Variants in SGSM3 observed in about 807,000 individuals in gnomAD.
The protein encoded by SGSM3 is small G protein signaling modulator 3.
SGSM3 carries 96 observed loss-of-function variants against 100.5 expected under a neutral mutation model. That is an observed-to-expected ratio of 0.96 (90% CI 0.81 to 1.13). SGSM3 has a LOEUF of 1.13. Ranked by LOEUF, SGSM3 falls within the 50% of genes most tolerant of loss-of-function variation. The pLI is 0.00. For synonymous variants in SGSM3, 483 were observed against 422.8 expected (o/e 1.14, Z -1.75); for missense variants, 1,001 against 1,015.8 (o/e 0.99, Z 0.20).
At chr22:40,373,668 T>G (rs1295416778) in intron 1 of SGSM3, 1 of 152,260 alleles carries the variant, frequency 6.6e-6, no homozygotes, top group East Asian at 1.9e-4. Flanking sequence ...CAGGCTAGAG[T>G]GCAGTGGGGC....
intron 1 of SGSM3, among the ~76,000 whole-genome samples, chr22:40,374,736 C>CA (rs925803916): frequency 2.0e-5 from 3 of 152,210 alleles, no homozygotes; most frequent in African/African-American, 7.2e-5. Flanking sequence ...ATAAAATTGC[C>CA]AGTCATGGTG....
intron 1 of SGSM3, among the ~76,000 whole-genome samples, chr22:40,382,679 A>T (rs549080179): frequency 6.4e-4 from 97 of 152,362 alleles, no homozygotes; most frequent in Non-Finnish European, 1.2e-3. Flanking sequence ...GATGGGACGT[A>T]GACCCCACCA....
In SGSM3 at chr22:40,408,414, G is replaced by A; in HGVS notation, c.1767G>A (p.Trp589Ter). The stretch of plus-strand genomic sequence containing the variant: ...TGCTTGGGGGCGCCTGCCACCCCTG[G>A]CTGTTTATCGAGGAGGTAAGTCAGT... Reference protein sequence around the residue: ...PSLLGGACHPWLFIEEAAGRE... With the variant: ...PSLLGGACHP The change falls in exon 16 of 22, where the codon TGG becomes TGA. Residue 589 changes from tryptophan (W) to a stop codon, truncating the protein, a stop_gained. Coordinates refer to ENST00000248929, the MANE Select transcript of SGSM3 (RefSeq NM_015705.6). LOFTEE classifies it high-confidence loss of function. 1 of 1,613,504 alleles carries A rather than the reference G, an allele frequency of 6.2e-7. No individual in the cohort carries two copies. The highest frequency in any genetic ancestry group is 8.5e-7 in the Non-Finnish European group (1 of 1,179,990).
chr22:40,408,066 C>T lies in SGSM3; in HGVS notation c.1580-5C>T. 3.1e-6 allele frequency: 5 copies of T among 1,613,396 alleles called. No individual in the cohort carries two copies. In the South Asian group the frequency reaches 3.3e-5, roughly 11 times the overall value. On this transcript the variant is annotated splice_region_variant and splice_polypyrimidine_tract_variant and intron_variant, in intron 14 of 21. Coordinates refer to ENST00000248929, the MANE Select transcript of SGSM3 (RefSeq NM_015705.6). ...TGCTCCTTACAGGGCCTGTTTTTCC[C>T]ACAGGCTGGTTTCCAGCCAAGTTCG...
intron 1 of SGSM3, among the ~76,000 whole-genome samples, chr22:40,394,730 G>A (rs1466793230): frequency 6.6e-6 from 1 of 150,628 alleles, no homozygotes; most frequent in Non-Finnish European, 1.5e-5. Flanking sequence ...CTTTTCCAAC[G>A]TTATCTGCTA....
chr22:40,395,325 CTT>C (rs777306889), intron 1 of SGSM3, among the ~76,000 whole-genome samples: 16 of 141,172 alleles, frequency 1.1e-4, no homozygotes, highest in Non-Finnish European at 1.2e-4. Flanking sequence ...CCCCATAACT[CTT>C]TTTTTTTTTT....
chr22:40,391,279 C>T (rs138320355), intron 1 of SGSM3, among the ~76,000 whole-genome samples: 97 of 152,194 alleles, frequency 6.4e-4, no homozygotes, highest in African/African-American at 2.1e-3. Context: ...TTTTAGGAAG[C>T]CCTCCAGGTG....
In SGSM3 at chr22:40,409,781, C is replaced by T. The variant is rs763198266; in HGVS notation, c.*22C>T. 2.5e-6 allele frequency: 4 copies of T among 1,599,970 alleles called. No individual in the cohort carries two copies. Among genetic ancestry groups the T allele is most frequent in the African/African-American group, 2.7e-5 (2 of 74,926 alleles). On this transcript the variant is annotated 3_prime_UTR_variant, in exon 22 of 22. Transcript: ENST00000248929. ...GTGACCCCCTCCTCCCCAGCCCAAC[C>T]TCGGGCCTGCGTCTGAGGTGGCCCA... is the stretch of plus-strand genomic sequence containing the variant.
Position 40,407,636 on chromosome 22 carries a change from C to A in SGSM3, c.1524+68C>A. On this transcript the variant is annotated intron_variant, in intron 13 of 21. Coordinates refer to ENST00000248929, the MANE Select transcript of SGSM3 (RefSeq NM_015705.6). This position sits in a 1 kb window ranked among gnomAD's most constrained non-coding sequence, Gnocchi z 4.7. Reference sequence around the variant, plus strand: ...GGTTCCCCAGACTCCCTCCACCAAGCCCCACCCCAACCCCTTTCCCTGCCA... The same window carrying A: ...GGTTCCCCAGACTCCCTCCACCAAGACCCACCCCAACCCCTTTCCCTGCCA... 1.3e-6 allele frequency: 2 copies of A among 1,578,490 alleles called. No homozygotes were observed. The highest frequency in any genetic ancestry group is 1.7e-6 in the Non-Finnish European group (2 of 1,162,790).
At chr22:40,402,532 G>T (rs2050889386) in intron 4 of SGSM3, among the ~76,000 whole-genome samples, 1 of 152,174 alleles carries the variant, frequency 6.6e-6, no homozygotes, top group South Asian at 2.1e-4. Flanking sequence ...TTGAGGCCAA[G>T]AGTTCAAGAC....
At chr22:40,408,537 G>A in intron 16 of SGSM3, 90 bp from the exon 17 acceptor site, 1 of 1,588,734 alleles carries the variant, frequency 6.3e-7, no homozygotes, top group Non-Finnish European at 8.6e-7. Context: ...GGAAGAGCTG[G>A]CAGCGTGGTG....
At chr22:40,397,968 CTTTTTTTTT>C (rs1157147821) in intron 1 of SGSM3, among the ~76,000 whole-genome samples, 2 of 116,438 alleles carry the variant, frequency 1.7e-5, no homozygotes, top group East Asian at 4.8e-4. Flanking sequence ...CCAATTCTGT[CTTTTTTTTT>C]TTTTTTTTTT....
rs772671058 is a variant in SGSM3 at position 40,407,247 on chromosome 22, G to A, written c.1287G>A (p.Thr429=). The A allele has an allele frequency of 6.2e-6, 10 of 1,613,536 alleles. No individual in the cohort carries two copies. In the African/African-American group the frequency reaches 6.7e-5, roughly 11 times the overall value. Residue 429 remains threonine (T), a synonymous_variant, in exon 12 of 22, where the codon ACG becomes ACA. Coordinates refer to ENST00000248929, the MANE Select transcript of SGSM3 (RefSeq NM_015705.6). This position sits in a 1 kb window ranked among gnomAD's most constrained non-coding sequence, Gnocchi z 4.7. Reference sequence around the variant, plus strand: ...TCAAGGCCAAGAACATCAAGCAGACGGAACTGGTGGCTGACCTCCGGGAAG... The same window carrying A: ...TCAAGGCCAAGAACATCAAGCAGACAGAACTGGTGGCTGACCTCCGGGAAG... ...EALKAKNIKQ[T]ELVADLREAI...
In SGSM3 at chr22:40,409,995, T is replaced by G; in HGVS notation, c.*236T>G. ...AAACCACAGTTTGTACCAAAAACCT[T>G]GTGAGGAGGTGGGGGAGCCATGTCT... On this transcript the variant is annotated 3_prime_UTR_variant, in exon 22 of 22. Transcript: ENST00000248929. The G allele has an allele frequency of 7.5e-7, 1 of 1,325,948 alleles. No homozygotes were observed. The highest frequency in any genetic ancestry group is 9.6e-7 in the Non-Finnish European group (1 of 1,043,540). The allele number at this position is 1,325,948 out of a possible 1,614,324, so 82.1% of individuals were successfully genotyped here.
In SGSM3 at chr22:40,407,783, G is replaced by A. The variant is rs936288688; in HGVS notation, c.1525-6G>A. On this transcript the variant is annotated splice_region_variant and splice_polypyrimidine_tract_variant and intron_variant, in intron 13 of 21. Transcript: ENST00000248929. This position sits in a 1 kb window ranked among gnomAD's most constrained non-coding sequence, Gnocchi z 4.7. ...TTTGGTTCCTGCTGTTTTTCCTCCT[G>A]TGCAGATCGTGTCTCAGAAGGACGA... 2 of 1,614,100 alleles carry A rather than the reference G, an allele frequency of 1.2e-6. No homozygotes were observed. The highest frequency in any genetic ancestry group is 1.7e-6 in the Non-Finnish European group (2 of 1,180,036).
intron 1 of SGSM3, among the ~76,000 whole-genome samples, chr22:40,385,996 C>T (rs931814128): frequency 2.0e-5 from 3 of 151,706 alleles, no homozygotes; most frequent in Non-Finnish European, 2.9e-5. Context: ...GGACTACAGG[C>T]GCACGCCACC....
chr22:40,402,796 A>G (rs762212797), intron 4 of SGSM3, among the ~76,000 whole-genome samples: 9 of 152,248 alleles, frequency 5.9e-5, no homozygotes, highest in Non-Finnish European at 1.2e-4. Context: ...TAGTGAATAT[A>G]CAGTATTTGG....
intron 1 of SGSM3, chr22:40,376,497 C>T (rs2046629889): frequency 6.6e-6 from 1 of 152,158 alleles, no homozygotes; most frequent in Admixed American, 6.5e-5. Flanking sequence ...AGTTATCTGT[C>T]ATGCCTCATT....
chr22:40,407,833 C>T lies in SGSM3; in HGVS notation c.1569C>T (p.Asn523=), dbSNP rs751808912. The change falls in exon 14 of 22, where the codon AAC becomes AAT. Residue 523 remains asparagine, a synonymous_variant. Transcript: ENST00000248929. The surrounding 1 kb of genome is among the most constrained non-coding windows in gnomAD (Gnocchi z 4.7). ...AGCACTGCTGGGTGGGGGAGCTCAA[C>T]GGCCTGCGAGGTGGGGTCCTTGGTC... ...KDEHCWVGEL[N]GLRGWFPAKF... 33 of 1,612,018 alleles carry T rather than the reference C, an allele frequency of 2.0e-5. No individual in the cohort carries two copies. Among genetic ancestry groups the T allele is most frequent in the Non-Finnish European group, 2.5e-5 (30 of 1,178,962 alleles).
Sources: allele counts gnomAD v4.1 joint callset (sites outside exome capture counted in the v4.1 genomes callset), GRCh38; gene constraint gnomAD v4.1.1; non-coding constraint Gnocchi (gnomAD v3.1); transcripts MANE v1.5; gene names NCBI Gene and HGNC (gene_info 2026-07-23, HGNC 2026-07-21).